VPS13B: variants seen among roughly 807,000 people sequenced by gnomAD.
The protein encoded by VPS13B is vacuolar protein sorting 13 homolog B.
A neutral mutation model predicts 426.4 loss-of-function variants in VPS13B; 285 were observed. The ratio of observed to expected loss-of-function variants is 0.67; its 90% CI spans 0.61 to 0.74. The LOEUF is 0.74. Ranked by LOEUF, VPS13B falls within the 30% of genes least tolerant of loss-of-function variation. The pLI is 0.00. For missense variants in VPS13B, 4,537 were observed against 4,782.6 expected, an observed-to-expected ratio of 0.95 and a Z score of 1.51; for synonymous variants, 1,676 against 1,676.4, an observed-to-expected ratio of 1.00 and a Z score of 0.01.
At chr8:99,208,258 A>G (rs953838771) in intron 17 of VPS13B, among the ~76,000 whole-genome samples, 5 of 152,182 alleles carry the variant, frequency 3.3e-5, no homozygotes, top group South Asian at 2.1e-4. Flanking sequence ...TCATGACCCA[A>G]ACACCTCCTA....
chr8:99,293,873 T>C (rs995886671), intron 19 of VPS13B, among the ~76,000 whole-genome samples: 12 of 139,398 alleles, frequency 8.6e-5, no homozygotes, highest in Non-Finnish European at 4.7e-5. Context: ...TGGCAATCAT[T>C]AAAAAGTCAG....
intron 16 of VPS13B, among the ~76,000 whole-genome samples, chr8:99,178,774 A>G (rs1241323895): frequency 1.3e-5 from 2 of 152,018 alleles, no homozygotes; most frequent in Non-Finnish European, 2.9e-5. Flanking sequence ...GATGTGTGCC[A>G]TGACACCTGG....
In VPS13B at chr8:99,835,617, C is replaced by G. The variant is rs779069363; in HGVS notation, c.9821C>G (p.Ser3274Cys). The change falls in exon 54 of 62, where the codon TCC becomes TGC. Residue 3274 changes from serine to cysteine, a missense_variant. Coordinates refer to ENST00000357162, the MANE Select transcript of VPS13B (RefSeq NM_152564.5). ...CATCATGAGCTGTATCATCAGATTTCCAGTTATCCGGACTGCAAGACCAAA... is the reference window on the plus strand; with the variant it reads ...CATCATGAGCTGTATCATCAGATTTGCAGTTATCCGGACTGCAAGACCAAA... ...SIHHELYHQI[S>C]SYPDCKTKDL... 1 of 1,614,086 alleles carries G rather than the reference C, an allele frequency of 6.2e-7. No homozygotes were observed. Among genetic ancestry groups the G allele is most frequent in the Non-Finnish European group, 8.5e-7 (1 of 1,180,022 alleles).
chr8:99,583,541 A>C (rs1424679384), intron 33 of VPS13B, among the ~76,000 whole-genome samples: 1 of 152,152 alleles, frequency 6.6e-6, no homozygotes, highest in Non-Finnish European at 1.5e-5. Flanking sequence ...TACTGTTTTA[A>C]CTTAGAAATA....
intron 35 of VPS13B, among the ~76,000 whole-genome samples, chr8:99,674,780 A>T (rs1830860285): frequency 6.6e-6 from 1 of 152,096 alleles, no homozygotes; most frequent in South Asian, 2.1e-4. Flanking sequence ...TTATAGTTAT[A>T]ACAGGTTATT....
At chr8:99,818,583 C>G (rs1554566498) in intron 46 of VPS13B, 49 bp downstream of exon 46, 2 of 1,601,452 alleles carry the variant, frequency 1.2e-6, no homozygotes, top group African/African-American at 1.4e-5. Context: ...CTGACCTTTC[C>G]TGTTCTGAAA....
intron 22 of VPS13B, among the ~76,000 whole-genome samples, chr8:99,437,040 C>T (rs946930229): frequency 2.6e-5 from 4 of 152,002 alleles, no homozygotes; most frequent in Non-Finnish European, 4.4e-5. Context: ...TTTTTAAAAA[C>T]GTTGTCCATT....
At chr8:99,098,881 T>G (rs1846579814) in intron 4 of VPS13B, among the ~76,000 whole-genome samples, 1 of 152,132 alleles carries the variant, frequency 6.6e-6, no homozygotes, top group Non-Finnish European at 1.5e-5. Context: ...GGAAAGCTAA[T>G]TTTTATATTT....
At chr8:99,383,483 T>A (rs1813943044) in intron 19 of VPS13B, among the ~76,000 whole-genome samples, 1 of 152,336 alleles carries the variant, frequency 6.6e-6, no homozygotes, top group Non-Finnish European at 1.5e-5. Flanking sequence ...TAATGAGATG[T>A]AATTCACTTT....
intron 8 of VPS13B, among the ~76,000 whole-genome samples, chr8:99,132,591 T>G (rs778002606): frequency 9.2e-5 from 14 of 151,800 alleles, no homozygotes; most frequent in Non-Finnish European, 2.1e-4. Flanking sequence ...TTACTTTGCC[T>G]AGATCCATCA....
At chr8:99,642,554 T>G in intron 34 of VPS13B, 56 bp downstream of exon 34, 1 of 1,441,350 alleles carries the variant, frequency 6.9e-7, no homozygotes, top group Admixed American at 2.0e-5. Flanking sequence ...TAAGTTGTAT[T>G]CCCATAGTTT....
At chr8:99,195,150 C>T (rs572659036) in intron 17 of VPS13B, among the ~76,000 whole-genome samples, 1 of 152,214 alleles carries the variant, frequency 6.6e-6, no homozygotes, top group East Asian at 1.9e-4. Context: ...ATTTTCATTC[C>T]CACCAATGGT....
intron 19 of VPS13B, chr8:99,347,979 AT>A (rs1170287779): frequency 2.0e-5 from 3 of 152,324 alleles, no homozygotes; most frequent in African/African-American, 7.2e-5. Context: ...GGTGGATGAT[AT>A]GGCCATTTGG....
intron 25 of VPS13B, among the ~76,000 whole-genome samples, chr8:99,491,823 G>A (rs960970433): frequency 6.6e-6 from 1 of 152,092 alleles, no homozygotes; most frequent in Non-Finnish European, 1.5e-5. Context: ...CGTTTTGCTC[G>A]GAGAAGTTTG....
intron 54 of VPS13B, among the ~76,000 whole-genome samples, chr8:99,836,643 A>C (rs563099563): frequency 6.6e-5 from 10 of 152,300 alleles, no homozygotes; most frequent in African/African-American, 2.4e-4. Context: ...ATACTTTTTT[A>C]AAAAGTTCTT....
At chr8:99,061,738 G>A (rs529391716) in intron 3 of VPS13B, among the ~76,000 whole-genome samples, 3 of 152,178 alleles carry the variant, frequency 2.0e-5, no homozygotes, top group East Asian at 1.9e-4. Context: ...AGTAACGTAA[G>A]TATTATCCCT....
chr8:99,790,506 A>G (rs1317232780), intron 43 of VPS13B, among the ~76,000 whole-genome samples: 2 of 152,206 alleles, frequency 1.3e-5, no homozygotes, highest in Non-Finnish European at 2.9e-5. Context: ...TAGACATGAC[A>G]TTGTCTATCA....
At chr8:99,854,568 C>T (rs1213461487) in intron 56 of VPS13B, among the ~76,000 whole-genome samples, 1 of 152,184 alleles carries the variant, frequency 6.6e-6, no homozygotes, top group Non-Finnish European at 1.5e-5. Context: ...AACATTCAAG[C>T]AGTAGTAGCT....
Position 99,853,410 on chromosome 8 carries a change from G to T in VPS13B, c.10062-41G>T, listed in dbSNP as rs1311512506. The stretch of plus-strand genomic sequence containing the variant: ...AAAAGAAAGAAGAGAGAAAGAAAAG[G>T]TGAGTGGGGGGACTAATGTTCTTGT... On this transcript the variant is annotated intron_variant, in intron 55 of 61. Coordinates refer to ENST00000357162, the MANE Select transcript of VPS13B (RefSeq NM_152564.5). 2.5e-6 allele frequency: 4 copies of T among 1,603,578 alleles called. 1 individual carries two copies. The South Asian group carries it at 4.4e-5, about 18-fold the overall frequency.
Sources: gnomAD v4.1 joint callset for allele counts (sites outside exome capture counted in the v4.1 genomes callset) on GRCh38, gnomAD v4.1.1 for gene constraint, MANE v1.5 for transcripts, NCBI Gene and HGNC (gene_info 2026-07-23, HGNC 2026-07-21) for gene names.